MED12L: variants seen among roughly 807,000 people sequenced by gnomAD.
The protein encoded by MED12L is mediator of RNA polymerase II transcription subunit 12-like protein.
In MED12L, 60 loss-of-function variants were observed where a neutral mutation model predicts 281.3. The ratio of observed to expected loss-of-function variants is 0.21; its 90% CI spans 0.17 to 0.26. The LOEUF is 0.26. Ranked by LOEUF, MED12L falls within the 10% of genes least tolerant of loss-of-function variation. MED12L has a pLI of 1.00. For synonymous variants in MED12L, 974 were observed against 987.2 expected (o/e 0.99, Z 0.25); for missense variants, 2,146 against 2,680.9 (o/e 0.80, Z 4.41).
At chr3:151,132,631 C>T (rs1715563828) in intron 5 of MED12L, among the ~76,000 whole-genome samples, 2 of 152,200 alleles carry the variant, frequency 1.3e-5, no homozygotes, top group South Asian at 4.1e-4. Flanking sequence ...TACTATTCTA[C>T]CCTTTGTAAT....
intron 16 of MED12L, among the ~76,000 whole-genome samples, chr3:151,315,896 T>C (rs1748162166): frequency 6.6e-6 from 1 of 152,248 alleles, no homozygotes; most frequent in South Asian, 2.1e-4. Flanking sequence ...CACTCTACTT[T>C]AGGCTCATCT....
intron 16 of MED12L, among the ~76,000 whole-genome samples, chr3:151,324,456 C>A (rs1368153873): frequency 6.6e-6 from 1 of 152,132 alleles, no homozygotes; most frequent in Admixed American, 6.5e-5. Context: ...GCATGGGAGA[C>A]TGGAATTGTG....
chr3:151,384,883 C>G (rs1320232112), intron 35 of MED12L, 147 bp from the exon 36 acceptor site: 1 of 630,434 alleles, frequency 1.6e-6, no homozygotes, highest in Non-Finnish European at 2.8e-6. Flanking sequence ...TTGGAACTGC[C>G]TTGTAGAACA....
intron 16 of MED12L, chr3:151,213,647 A>G: frequency 6.2e-7 from 1 of 1,614,164 alleles, no homozygotes. Flanking sequence ...ACCGAAGTGG[A>G]ATTCCGACTT....
intron 11 of MED12L, among the ~76,000 whole-genome samples, chr3:151,174,589 T>C: frequency 6.6e-6 from 1 of 152,248 alleles, no homozygotes; most frequent in East Asian, 1.9e-4. Flanking sequence ...TCACAAGACC[T>C]AAAGACTATC....
chr3:151,139,297 A>G (rs913660729), intron 5 of MED12L, among the ~76,000 whole-genome samples: 17 of 152,148 alleles, frequency 1.1e-4, no homozygotes, highest in African/African-American at 4.1e-4. Flanking sequence ...CATTTCTCCA[A>G]GGAGCCCTGG....
intron 16 of MED12L, among the ~76,000 whole-genome samples, chr3:151,210,104 C>T (rs558910942): frequency 9.9e-5 from 15 of 152,278 alleles, no homozygotes; most frequent in Non-Finnish European, 1.8e-4. Flanking sequence ...AGAAGTGCTT[C>T]TAGATCTTAT....
At chr3:151,377,782 A>G (rs1206594008) in intron 30 of MED12L, among the ~76,000 whole-genome samples, 1 of 152,222 alleles carries the variant, frequency 6.6e-6, no homozygotes, top group Non-Finnish European at 1.5e-5. Flanking sequence ...CAGTTTAGTT[A>G]CAATATCCTT....
rs778942914 is a variant in MED12L, at chr3:151,360,644, TG to T, written c.2957+40del. ...ACTCAAAAGGACAGAAATAGGATCA[TG>T]CCTATGTTTGTTAGTGACCCTGACA... On this transcript the variant is annotated intron_variant, in intron 21 of 44. Transcript: ENST00000687756. 1.9e-6 allele frequency: 3 copies of T among 1,566,102 alleles called. No homozygotes were observed. In the Admixed American group the frequency reaches 5.8e-5, roughly 30 times the overall value.
intron 43 of MED12L, among the ~76,000 whole-genome samples, chr3:151,424,191 T>A (rs559191231): frequency 5.3e-5 from 8 of 152,228 alleles, no homozygotes; most frequent in South Asian, 2.1e-4. Context: ...ATTTGGAAAT[T>A]TTTTTTTTCT....
intron 16 of MED12L, among the ~76,000 whole-genome samples, chr3:151,273,658 G>A (rs560500849): frequency 6.6e-6 from 1 of 152,202 alleles, no homozygotes; most frequent in South Asian, 2.1e-4. Flanking sequence ...TATTAAGGTT[G>A]TATTAGAATA....
intron 39 of MED12L, among the ~76,000 whole-genome samples, chr3:151,405,561 C>T (rs1373604459): frequency 6.6e-6 from 1 of 152,082 alleles, no homozygotes; most frequent in African/African-American, 2.4e-5. Context: ...CTCTTGAGTC[C>T]AGGAATTTGA....
chr3:151,420,438 G>A (rs188029107), intron 43 of MED12L, among the ~76,000 whole-genome samples: 1 of 152,288 alleles, frequency 6.6e-6, no homozygotes, highest in African/African-American at 2.4e-5. Flanking sequence ...ACGTAATGTT[G>A]TGGGAACAGG....
At chr3:151,095,322 G>A (rs1720566304) in intron 2 of MED12L, among the ~76,000 whole-genome samples, 1 of 152,128 alleles carries the variant, frequency 6.6e-6, no homozygotes, top group Admixed American at 6.6e-5. Context: ...TGCTACAAAT[G>A]AGAACTTAAT....
At chr3:151,308,698 A>G (rs927397743) in intron 16 of MED12L, among the ~76,000 whole-genome samples, 14 of 152,242 alleles carry the variant, frequency 9.2e-5, no homozygotes, top group Middle Eastern at 3.4e-3. Context: ...AGTTATAATT[A>G]TTCTTCATGG....
intron 39 of MED12L, among the ~76,000 whole-genome samples, chr3:151,404,389 A>C (rs1300415618): frequency 6.6e-6 from 1 of 152,212 alleles, no homozygotes; most frequent in East Asian, 1.9e-4. Context: ...TTGATTCCCA[A>C]CCAAGTCGTA....
intron 39 of MED12L, among the ~76,000 whole-genome samples, chr3:151,406,433 C>G (rs1204416796): frequency 6.6e-6 from 1 of 152,130 alleles, no homozygotes; most frequent in Non-Finnish European, 1.5e-5. Flanking sequence ...AGGGTGTTTT[C>G]TTTTTAGGAG....
chr3:151,151,317 G>A (rs544706571), intron 5 of MED12L, among the ~76,000 whole-genome samples: 19 of 151,902 alleles, frequency 1.3e-4, no homozygotes, highest in East Asian at 1.9e-4. Context: ...GATTACAGGC[G>A]TGAGCCACCG....
chr3:151,203,424 TA>T (rs1725930646), intron 16 of MED12L, among the ~76,000 whole-genome samples: 2 of 150,230 alleles, frequency 1.3e-5, no homozygotes, highest in African/African-American at 4.9e-5. Context: ...TTTTTTTTTT[TA>T]AAGTATCCAA....
Sources: gnomAD v4.1 joint callset for allele counts (sites outside exome capture counted in the v4.1 genomes callset) on GRCh38, gnomAD v4.1.1 for gene constraint, MANE v1.5 for transcripts, NCBI Gene and HGNC (gene_info 2026-07-23, HGNC 2026-07-21) for gene names.